GATB: variants seen among roughly 807,000 people sequenced by gnomAD.
The protein encoded by GATB is glutamyl-tRNA(Gln) amidotransferase subunit B, mitochondrial.
GATB carries 39 observed loss-of-function variants against 62.3 expected under a neutral mutation model. The observed-to-expected ratio is 0.63, with a 90% CI of 0.48 to 0.82. GATB has a LOEUF of 0.82. Among genes scored for constraint, GATB ranks in the 40% least tolerant of loss-of-function variants. GATB has a pLI of 0.00. For synonymous variants in GATB, 276 were observed against 258.9 expected, an observed-to-expected ratio of 1.07 and a Z score of -0.63; for missense variants, 670 against 684.0, an observed-to-expected ratio of 0.98 and a Z score of 0.23.
chr4:151,697,937 A>ATG (rs149235830), intron 9 of GATB, among the ~76,000 whole-genome samples: 1,163 of 55,588 alleles, frequency 0.021, 26 homozygotes, highest in Admixed American at 0.037. Flanking sequence ...TTTCATATAT[A>ATG]TGTGTGTGTG....
intron 2 of GATB, chr4:151,720,526 T>C (rs967662510): frequency 9.9e-5 from 15 of 152,208 alleles, no homozygotes; most frequent in African/African-American, 3.6e-4. Flanking sequence ...AGATGAAATA[T>C]ATTTCTATTT....
intron 2 of GATB, among the ~76,000 whole-genome samples, chr4:151,726,040 A>T (rs1739131324): frequency 6.6e-6 from 1 of 152,238 alleles, no homozygotes; most frequent in African/African-American, 2.4e-5. Flanking sequence ...GTAGAAGGTG[A>T]TGTTTTCCAA....
In GATB at chr4:151,691,988, T is replaced by A. The variant is rs148904089; in HGVS notation, c.1198-3225A>T. On this transcript the variant is annotated intron_variant, in intron 9 of 12. Coordinates refer to ENST00000263985, the MANE Select transcript of GATB (RefSeq NM_004564.3). ...TGCTCAAGAGTATCTGCTAAATATCTGCTAGACACAGAGCTCAGAACCAGG... is the reference window on the plus strand; with the variant it reads ...TGCTCAAGAGTATCTGCTAAATATCAGCTAGACACAGAGCTCAGAACCAGG... Among the ~76,000 whole-genome samples, 210 of 152,140 alleles carry A rather than the reference T, an allele frequency of 1.4e-3. 2 individuals are homozygous for A. Among genetic ancestry groups the A allele is most frequent in the African/African-American group, 4.9e-3 (204 of 41,402 alleles).
chr4:151,731,769 C>T (rs1739257787), intron 2 of GATB, among the ~76,000 whole-genome samples: 1 of 151,748 alleles, frequency 6.6e-6, no homozygotes, highest in Non-Finnish European at 1.5e-5. Flanking sequence ...CGGCTGTGAC[C>T]CCGTCTGGGA....
At chr4:151,704,894 A>G (rs1227066907) in intron 7 of GATB, among the ~76,000 whole-genome samples, 1 of 149,380 alleles carries the variant, frequency 6.7e-6, no homozygotes, top group Non-Finnish European at 1.5e-5. Context: ...GACTACAGGC[A>G]CCCATCACCA....
At position 151,748,515 on chromosome 4, in the gene GATB, G is replaced by C. The variant is rs1739650147; in HGVS notation, c.327+10257C>G. ...ACACCTTATACAAAAATTAATTCAA[G>C]ATGGATTAAAGACTTAAATGTTAGA... is the stretch of plus-strand genomic sequence containing the variant. On this transcript the variant is annotated intron_variant, in intron 2 of 12. Coordinates refer to ENST00000263985, the MANE Select transcript of GATB (RefSeq NM_004564.3). Among the ~76,000 whole-genome samples the C allele has an allele frequency of 3.9e-5, 6 of 152,248 alleles. No individual in the cohort carries two copies. In the South Asian group the frequency reaches 1.2e-3, roughly 32 times the overall value.
intron 9 of GATB, among the ~76,000 whole-genome samples, chr4:151,694,557 T>C (rs771396769): frequency 6.6e-6 from 1 of 152,248 alleles, no homozygotes; most frequent in Non-Finnish European, 1.5e-5. Context: ...AAGCACTGGA[T>C]GCAATTTTTA....
intron 9 of GATB, among the ~76,000 whole-genome samples, chr4:151,695,930 A>ATTTTTTTTTTTTTTTTT (rs57028979): frequency 2.4e-5 from 3 of 122,850 alleles, no homozygotes; most frequent in African/African-American, 9.9e-5. Context: ...GCTAATTTAA[A>ATTTTTTTTTTTTTTTTT]TTTTTTTTTT....
At chr4:151,739,514 T>A (rs751626691) in intron 2 of GATB, among the ~76,000 whole-genome samples, 3 of 152,198 alleles carry the variant, frequency 2.0e-5, no homozygotes, top group Admixed American at 1.3e-4. Flanking sequence ...CAATGTTACA[T>A]GTGAAGCCGC....
intron 2 of GATB, among the ~76,000 whole-genome samples, chr4:151,746,495 T>C (rs952804839): frequency 6.6e-6 from 1 of 152,176 alleles, no homozygotes; most frequent in Non-Finnish European, 1.5e-5. Flanking sequence ...AATTACTTAA[T>C]AAATTAAGGA....
rs115995712 is a variant in GATB at position 151,692,687 on chromosome 4, C to T, written c.1198-3924G>A. Among the ~76,000 whole-genome samples, 1,022 of 152,350 alleles carry T rather than the reference C, an allele frequency of 6.7e-3. 13 individuals are homozygous for T. Among genetic ancestry groups the T allele is most frequent in the African/African-American group, 0.023 (954 of 41,582 alleles). ...CCCTCTCCTGCCCCCTGCCTTGCCT[C>T]TGCATCCCCTCCCCACGCTACTGCT... is the stretch of plus-strand genomic sequence containing the variant. On this transcript the variant is annotated intron_variant, in intron 9 of 12. Transcript: ENST00000263985.
At position 151,673,082 on chromosome 4, in the gene GATB, G is replaced by A. The variant is rs1422995533; in HGVS notation, c.1411-186C>T. The A allele has an allele frequency of 4.6e-6, 3 of 652,466 alleles. No homozygotes were observed. In the African/African-American group the frequency reaches 5.5e-5, roughly 12 times the overall value. 40.4% of individuals were successfully genotyped at this position (652,466 alleles called of 1,614,324 possible). The stretch of plus-strand genomic sequence containing the variant: ...CCTGCCAGAGCGTTGGCTCTCCTGA[G>A]GCATCCCTGAGTGCAGGGCTGGGGA... On this transcript the variant is annotated intron_variant, in intron 11 of 12. Transcript: ENST00000263985.
chr4:151,691,211 C>G (rs1392592315), intron 9 of GATB, among the ~76,000 whole-genome samples: 1 of 152,116 alleles, frequency 6.6e-6, no homozygotes, highest in Non-Finnish European at 1.5e-5. Flanking sequence ...ATGTCCTCCT[C>G]AAAAGCAACA....
chr4:151,681,234 C>G (rs148538536), intron 10 of GATB, among the ~76,000 whole-genome samples: 39 of 152,254 alleles, frequency 2.6e-4, no homozygotes, highest in Non-Finnish European at 5.4e-4. Flanking sequence ...GCAGTGAAAC[C>G]CTATTGGGGC....
Position 151,760,829 on chromosome 4 carries a change from T to A in GATB, c.154A>T (p.Thr52Ser), listed in dbSNP as rs112976472. ...TACCCTTTCCTCGTCTTCTGGGCCGTGTGGAGGGGCTGCTGAGCCACTGAG... is the reference window on the plus strand; with the variant it reads ...TACCCTTTCCTCGTCTTCTGGGCCGAGTGGAGGGGCTGCTGAGCCACTGAG... ...ESSVAQQPLH[T>S]AQKTRKGEHK... Residue 52 changes from threonine (T) to serine (S), a missense_variant, in exon 1 of 13, where the codon ACG becomes TCG. Coordinates refer to ENST00000263985, the MANE Select transcript of GATB (RefSeq NM_004564.3). 2 of 1,610,664 alleles carry A rather than the reference T, an allele frequency of 1.2e-6. No individual in the cohort carries two copies. Among genetic ancestry groups the A allele is most frequent in the Admixed American group, 3.4e-5 (2 of 59,616 alleles).
intron 9 of GATB, among the ~76,000 whole-genome samples, chr4:151,695,930 ATT>A (rs57028979): frequency 0.01 from 1,262 of 122,728 alleles, 4 homozygotes; most frequent in African/African-American, 0.039. Flanking sequence ...GCTAATTTAA[ATT>A]TTTTTTTTTT....
In GATB at chr4:151,732,056, G is replaced by A. The variant is rs1224559742; in HGVS notation, c.328-12518C>T. Among the ~76,000 whole-genome samples, 5 of 33,746 alleles carry A rather than the reference G, an allele frequency of 1.5e-4. 1 individual carries two copies. The African/African-American group carries it at 1.7e-3, about 12-fold the overall frequency. 22.1% of individuals were successfully genotyped at this position (33,746 alleles called of 152,430 possible). ...AGCCGCCCCGTCCGGGAGGGAGGTG[G>A]GGGGGTCAGCCCCCGCCCGGCCAGC... On this transcript the variant is annotated intron_variant, in intron 2 of 12. Transcript: ENST00000263985.
rs538502689 is a variant in GATB at position 151,716,737 on chromosome 4, T to C, written c.640+139A>G. ...TAGTCAGCTATGCCAATCCCAATGC[T>C]GATATTTTAGTCTCCATCTATCAGG... On this transcript the variant is annotated intron_variant, in intron 4 of 12. Transcript: ENST00000263985. 22 of 717,136 alleles carry C rather than the reference T, an allele frequency of 3.1e-5. No individual in the cohort carries two copies. The South Asian group carries it at 3.8e-4, about 13-fold the overall frequency. The allele number at this position is 717,136 out of a possible 1,614,324, so 44.4% of individuals were successfully genotyped here.
intron 2 of GATB, among the ~76,000 whole-genome samples, chr4:151,731,858 G>C (rs1214676730): frequency 1.3e-5 from 2 of 151,648 alleles, no homozygotes; most frequent in African/African-American, 4.8e-5. Context: ...CATCTGAGAA[G>C]TGAGGAGCCC....
Sources: allele counts gnomAD v4.1 joint callset (sites outside exome capture counted in the v4.1 genomes callset), GRCh38; gene constraint gnomAD v4.1.1; transcripts MANE v1.5; gene names NCBI Gene and HGNC (gene_info 2026-07-23, HGNC 2026-07-21).